The following RHOT1 variants were observed in gnomAD, a reference collection of about 807,000 sequenced individuals.
RHOT1 encodes ras homolog family member T1.
RHOT1 carries 27 observed loss-of-function variants against 95.3 expected under a neutral mutation model. The ratio of observed to expected loss-of-function variants is 0.28; its 90% confidence interval spans 0.21 to 0.39. The LOEUF is 0.39. RHOT1 is among the 10% of genes least tolerant of loss of function. The pLI, the probability that RHOT1 is intolerant of heterozygous loss-of-function variation, is 1.00. For missense variants in RHOT1, 578 were observed against 786.7 expected (o/e 0.73, Z 3.17); for synonymous variants, 227 against 263.5 (o/e 0.86, Z 1.34).
At chr17:32,157,365 G>A (rs894618186) in intron 1 of RHOT1, among the ~76,000 whole-genome samples, 3 of 152,314 alleles carry the variant, frequency 2.0e-5, no homozygotes, top group African/African-American at 7.2e-5. Flanking sequence ...TTTCCTATGG[G>A]TGATAATGAA....
chr17:32,155,182 GT>G (rs2032819565), intron 1 of RHOT1, among the ~76,000 whole-genome samples: 2 of 152,110 alleles, frequency 1.3e-5, no homozygotes, highest in Admixed American at 1.3e-4. Flanking sequence ...TTGAGATGGA[GT>G]CTCGCTCTGT....
Position 32,206,926 on chromosome 17 carries a change from A to G in RHOT1, c.1433A>G (p.Glu478Gly). The change falls in exon 17 of 20, where the codon GAA becomes GGA. Residue 478 changes from glutamate (E) to glycine (G), a missense_variant. Coordinates refer to ENST00000545287, the MANE Select transcript of RHOT1 (RefSeq NM_001033566.3). ...EKYLLLHDISESEFLTEAEII... is the reference protein window; with the variant it reads ...EKYLLLHDISGSEFLTEAEII... Reference sequence around the variant, plus strand: ...TTTTACAAGTTGCATGATATCTCAGAATCGGAATTTCTAACTGAAGCTGAA... The same window carrying G: ...TTTTACAAGTTGCATGATATCTCAGGATCGGAATTTCTAACTGAAGCTGAA... The G allele has an allele frequency of 6.3e-7, 1 of 1,592,568 alleles. No homozygotes were observed. Among genetic ancestry groups the G allele is most frequent in the Non-Finnish European group, 8.6e-7 (1 of 1,162,670 alleles).
chr17:32,180,657 A>C (rs573200462), intron 6 of RHOT1, among the ~76,000 whole-genome samples: 1 of 150,016 alleles, frequency 6.7e-6, no homozygotes, highest in South Asian at 2.1e-4. Flanking sequence ...AGTACAAGAA[A>C]AAAAAAAAGA....
intron 8 of RHOT1, among the ~76,000 whole-genome samples, chr17:32,190,826 T>G (rs1168241910): frequency 2.0e-5 from 3 of 152,128 alleles, no homozygotes; most frequent in African/African-American, 7.2e-5. Context: ...GACGGAGTCT[T>G]TCTTTGTCTC....
Position 32,167,059 on chromosome 17 carries a change from A to G in RHOT1, c.38-3984A>G, listed in dbSNP as rs114314917. ...GCCTAAATAATAAGGCTTGAAAGTT[A>G]TAATTACTCCTTGAACCATGGACTG... On this transcript the variant is annotated intron_variant, in intron 1 of 19. Transcript: ENST00000545287. 3.5e-3 allele frequency among the ~76,000 whole-genome samples: 532 copies of G among 152,352 alleles called. 5 individuals are homozygous for G. Among genetic ancestry groups the G allele is most frequent in the African/African-American group, 0.012 (494 of 41,576 alleles).
intron 15 of RHOT1, among the ~76,000 whole-genome samples, chr17:32,203,420 C>G (rs552896531): frequency 4.6e-5 from 7 of 151,770 alleles, no homozygotes; most frequent in African/African-American, 2.4e-5. Flanking sequence ...GGACCACAGG[C>G]GTGAACCACC....
At chr17:32,175,218 T>G in intron 3 of RHOT1, 101 bp from the exon 4 acceptor site, 1 of 980,336 alleles carries the variant, frequency 1.0e-6, no homozygotes, top group Non-Finnish European at 1.6e-6. Context: ...CACCATGTCA[T>G]TTTGAGGGAT....
At chr17:32,201,093 A>G in intron 14 of RHOT1, 37 bp downstream of exon 14, 1 of 1,280,598 alleles carries the variant, frequency 7.8e-7, no homozygotes, top group Non-Finnish European at 1.1e-6. Context: ...ATGATTAGAG[A>G]TATTTTTTAA....
intron 1 of RHOT1, among the ~76,000 whole-genome samples, chr17:32,170,353 T>C (rs961565473): frequency 6.6e-6 from 1 of 151,992 alleles, no homozygotes; most frequent in Non-Finnish European, 1.5e-5. Context: ...TGGTGGGGAT[T>C]GCAGTGAGCC....
chr17:32,168,414 T>C (rs1264359966), intron 1 of RHOT1, among the ~76,000 whole-genome samples: 1 of 151,958 alleles, frequency 6.6e-6, no homozygotes, highest in Non-Finnish European at 1.5e-5. Context: ...GGACTACAAG[T>C]GTGTGCCACC....
chr17:32,182,132 C>T (rs1479568351), intron 6 of RHOT1, among the ~76,000 whole-genome samples: 6 of 152,166 alleles, frequency 3.9e-5, no homozygotes, highest in African/African-American at 1.4e-4. Context: ...TTATTTCCTG[C>T]ATAGTACTTA....
Position 32,171,576 on chromosome 17 carries a change from T to C in RHOT1, c.96+475T>C, listed in dbSNP as rs559331369. 5.3e-5 allele frequency among the ~76,000 whole-genome samples: 8 copies of C among 152,328 alleles called. No individual in the cohort carries two copies. In the East Asian group the frequency reaches 1.2e-3, roughly 22 times the overall value. ...TATAAAATGGAAGCTGAAAGGGATA[T>C]AAATGTCATATAAGCTCTGTGACCC... is the stretch of plus-strand genomic sequence containing the variant. On this transcript the variant is annotated intron_variant, in intron 2 of 19. Coordinates refer to ENST00000545287, the MANE Select transcript of RHOT1 (RefSeq NM_001033566.3).
Position 32,182,813 on chromosome 17 carries a change from A to T in RHOT1, c.386A>T (p.Glu129Val). The T allele has an allele frequency of 6.2e-7, 1 of 1,608,306 alleles. No individual in the cohort carries two copies. The highest frequency in any genetic ancestry group is 8.5e-7 in the Non-Finnish European group (1 of 1,176,060). ...GATCTGGTGGAATATAGTAGTATGG[A>T]GACCATCCTTCCTATTATGAACCAG... ...KSDLVEYSSM[E>V]TILPIMNQYT... The change falls in exon 7 of 20, where the codon GAG (glutamate) becomes GTG (valine). Residue 129 changes from glutamate to valine, a missense_variant. Coordinates refer to ENST00000545287, the MANE Select transcript of RHOT1 (RefSeq NM_001033566.3).
intron 1 of RHOT1, among the ~76,000 whole-genome samples, chr17:32,155,732 G>A (rs1412903658): frequency 6.6e-6 from 1 of 151,534 alleles, no homozygotes; most frequent in Admixed American, 6.6e-5. Context: ...TGTAGACATA[G>A]GGTCTCACTT....
At chr17:32,190,708 C>G (rs373459496) in intron 8 of RHOT1, among the ~76,000 whole-genome samples, 6 of 152,234 alleles carry the variant, frequency 3.9e-5, no homozygotes, top group African/African-American at 1.4e-4. Context: ...GAAGCATTAT[C>G]TTACCATTCA....
chr17:32,214,683 T>C (rs1469214228), intron 19 of RHOT1, among the ~76,000 whole-genome samples: 1 of 152,174 alleles, frequency 6.6e-6, no homozygotes, highest in Non-Finnish European at 1.5e-5. Flanking sequence ...GGTTGGTCAC[T>C]ATTGGTTTCC....
chr17:32,199,943 C>CTTTT (rs71362808), intron 13 of RHOT1, among the ~76,000 whole-genome samples: 2 of 128,734 alleles, frequency 1.6e-5, no homozygotes, highest in African/African-American at 5.8e-5. Context: ...TTAATGAACT[C>CTTTT]TTTTTTTTTT....
At chr17:32,200,823 C>T (rs2037260811) in intron 13 of RHOT1, 133 bp from the exon 14 acceptor site, 1 of 592,308 alleles carries the variant, frequency 1.7e-6, no homozygotes, top group Non-Finnish European at 3.0e-6. Flanking sequence ...TGGTTGGGCT[C>T]ATAGGAAATT....
intron 11 of RHOT1, among the ~76,000 whole-genome samples, chr17:32,195,519 TACCCC>T (rs2036813218): frequency 6.6e-6 from 1 of 152,178 alleles, no homozygotes. Flanking sequence ...CCTTCTTCTA[TACCCC>T]AGGGAAGCGA....
Sources: allele counts gnomAD v4.1 joint callset (sites outside exome capture counted in the v4.1 genomes callset), GRCh38; gene constraint gnomAD v4.1.1; transcripts MANE v1.5; gene names NCBI Gene and HGNC (gene_info 2026-07-23, HGNC 2026-07-21).